EHBP1: variants seen among roughly 807,000 people sequenced by gnomAD.
The protein encoded by EHBP1 is EH domain binding protein 1.
In EHBP1, 55 loss-of-function variants were observed where a neutral mutation model predicts 144.0. That is an observed-to-expected ratio of 0.38 (90% CI 0.31 to 0.48). The LOEUF (loss-of-function observed/expected upper bound fraction) is 0.48. Among genes scored for constraint, EHBP1 ranks in the 20% least tolerant of loss-of-function variants. EHBP1 has a pLI of 0.98. For synonymous variants in EHBP1, 469 were observed against 472.7 expected (o/e 0.99, Z 0.10); for missense variants, 1,200 against 1,364.2 (o/e 0.88, Z 1.90).
At chr2:62,849,743 G>A (rs2048549760) in intron 7 of EHBP1, among the ~76,000 whole-genome samples, 1 of 152,074 alleles carries the variant, frequency 6.6e-6, no homozygotes. Context: ...TACTAGCTAT[G>A]GGCTTAAAAT....
At chr2:62,712,651 AT>A (rs2035263613) in intron 2 of EHBP1, among the ~76,000 whole-genome samples, 1 of 152,192 alleles carries the variant, frequency 6.6e-6, no homozygotes, top group African/African-American at 2.4e-5. Flanking sequence ...GTGATGAACC[AT>A]GGAATATAAG....
At chr2:62,822,216 T>C (rs986743122) in intron 5 of EHBP1, among the ~76,000 whole-genome samples, 1 of 152,192 alleles carries the variant, frequency 6.6e-6, no homozygotes, top group African/African-American at 2.4e-5. Flanking sequence ...TTTATGCTCA[T>C]GTACAGAGAA....
intron 2 of EHBP1, among the ~76,000 whole-genome samples, chr2:62,732,488 A>G (rs992860933): frequency 6.6e-6 from 1 of 152,068 alleles, no homozygotes; most frequent in Admixed American, 6.6e-5. Context: ...GACAATTTCT[A>G]ATGGTTTAGC....
intron 13 of EHBP1, among the ~76,000 whole-genome samples, chr2:62,954,565 T>C (rs1008452726): frequency 6.6e-6 from 1 of 152,034 alleles, no homozygotes; most frequent in African/African-American, 2.4e-5. Flanking sequence ...TCTTTAAGTT[T>C]ATAGAAAAAA....
At chr2:62,879,791 T>G (rs1296119919) in intron 10 of EHBP1, among the ~76,000 whole-genome samples, 1 of 152,156 alleles carries the variant, frequency 6.6e-6, no homozygotes, top group Non-Finnish European at 1.5e-5. Context: ...TAAAGCAATT[T>G]GCAGATTCAA....
At chr2:62,697,656 C>G (rs2034147800) in intron 1 of EHBP1, among the ~76,000 whole-genome samples, 1 of 152,130 alleles carries the variant, frequency 6.6e-6, no homozygotes, top group African/African-American at 2.4e-5. Context: ...CAATACCTAC[C>G]AGAATGCTTT....
At chr2:62,867,431 T>C (rs372054767) in intron 9 of EHBP1, among the ~76,000 whole-genome samples, 3 of 152,102 alleles carry the variant, frequency 2.0e-5, no homozygotes, top group South Asian at 4.1e-4. Context: ...TGTTTCTCTG[T>C]AGTCACAATG....
chr2:62,803,657 C>T (rs750871880), intron 5 of EHBP1, among the ~76,000 whole-genome samples: 4 of 152,164 alleles, frequency 2.6e-5, no homozygotes, highest in Non-Finnish European at 4.4e-5. Context: ...CTGCATTTTT[C>T]GTACTTATTT....
At chr2:62,885,849 C>T (rs2051879730) in intron 10 of EHBP1, among the ~76,000 whole-genome samples, 1 of 152,184 alleles carries the variant, frequency 6.6e-6, no homozygotes. Flanking sequence ...CAGTGATTGA[C>T]AGCAATGCTA....
rs959561638 is a variant in EHBP1, at chr2:62,739,947, A to G, written c.105-7448A>G. Among the ~76,000 whole-genome samples the G allele has an allele frequency of 3.3e-5, 5 of 151,788 alleles. No individual in the cohort carries two copies. In the South Asian group the frequency reaches 6.2e-4, roughly 19 times the overall value. ...AGAGCCTGTCTCAGAAAAAAAAAAAAAAAAAAGAAAAATTATAAATTCTTT... is the reference window on the plus strand; with the variant it reads ...AGAGCCTGTCTCAGAAAAAAAAAAAGAAAAAAGAAAAATTATAAATTCTTT... On this transcript the variant is annotated intron_variant, in intron 2 of 22. Coordinates refer to ENST00000431489, the MANE Select transcript of EHBP1 (RefSeq NM_001142616.3).
chr2:62,922,168 C>A (rs1410866757), intron 10 of EHBP1, among the ~76,000 whole-genome samples: 2 of 152,104 alleles, frequency 1.3e-5, no homozygotes, highest in Non-Finnish European at 2.9e-5. Context: ...GAGCAAGACT[C>A]CGTCTCAAAG....
chr2:62,949,245 C>T (rs1413331107), intron 13 of EHBP1, 83 bp downstream of exon 13: 5 of 1,204,014 alleles, frequency 4.2e-6, no homozygotes, highest in Non-Finnish European at 5.7e-6. Context: ...ATAGATGCTA[C>T]AAATGATTAA....
intron 1 of EHBP1, among the ~76,000 whole-genome samples, chr2:62,682,583 T>C (rs968956425): frequency 6.6e-6 from 1 of 152,216 alleles, no homozygotes; most frequent in African/African-American, 2.4e-5. Flanking sequence ...GCAGATAGCA[T>C]GTGATAAACT....
intron 10 of EHBP1, among the ~76,000 whole-genome samples, chr2:62,891,754 C>A (rs577859968): frequency 6.6e-5 from 10 of 152,054 alleles, no homozygotes; most frequent in Admixed American, 5.2e-4. Context: ...TTGCATATAG[C>A]GAGGCCGTTT....
At chr2:62,833,570 C>T (rs904647946) in intron 7 of EHBP1, among the ~76,000 whole-genome samples, 16 of 152,130 alleles carry the variant, frequency 1.1e-4, no homozygotes, top group Non-Finnish European at 1.8e-4. Context: ...TGAGACCTGC[C>T]GTACAGAAAA....
chr2:62,689,500 G>A (rs1044026653), intron 1 of EHBP1, among the ~76,000 whole-genome samples: 1 of 151,988 alleles, frequency 6.6e-6, no homozygotes, highest in African/African-American at 2.4e-5. Context: ...AAAATTAGCC[G>A]GGCATTGGTG....
intron 19 of EHBP1, among the ~76,000 whole-genome samples, chr2:63,022,603 C>T (rs2153291020): frequency 6.6e-6 from 1 of 152,198 alleles, no homozygotes; most frequent in East Asian, 1.9e-4. Flanking sequence ...ACATGAGCCA[C>T]CGCACCTGGC....
At chr2:62,767,330 C>T (rs2041269141) in intron 4 of EHBP1, among the ~76,000 whole-genome samples, 2 of 151,840 alleles carry the variant, frequency 1.3e-5, no homozygotes, top group Non-Finnish European at 2.9e-5. Context: ...TGATATGCAT[C>T]AACAAAAATA....
intron 19 of EHBP1, among the ~76,000 whole-genome samples, chr2:63,016,332 C>G (rs1410804436): frequency 6.6e-6 from 1 of 151,314 alleles, no homozygotes; most frequent in African/African-American, 2.4e-5. Flanking sequence ...TACCTAACTC[C>G]AAGAATGCAA....
Sources: allele counts gnomAD v4.1 joint callset (sites outside exome capture counted in the v4.1 genomes callset), GRCh38; gene constraint gnomAD v4.1.1; transcripts MANE v1.5; gene names NCBI Gene and HGNC (gene_info 2026-07-23, HGNC 2026-07-21).